Variants in PXN observed in about 807,000 individuals in gnomAD.
PXN encodes the protein paxillin.
A neutral mutation model predicts 103.6 loss-of-function variants in PXN; 61 were observed. The observed-to-expected ratio is 0.59, with a 90% CI of 0.48 to 0.73. The LOEUF is 0.73. PXN is among the 30% of genes least tolerant of loss of function. The pLI, the probability that PXN is intolerant of heterozygous loss-of-function variation, is 0.00. For synonymous variants in PXN, 562 were observed against 607.8 expected (o/e 0.92, Z 1.11); for missense variants, 1,274 against 1,460.3 (o/e 0.87, Z 2.08).
chr12:120,246,992 C>A (rs1891280781), intron 1 of PXN, among the ~76,000 whole-genome samples: 1 of 151,888 alleles, frequency 6.6e-6, no homozygotes, highest in African/African-American at 2.4e-5. Context: ...TGTACCACTG[C>A]ACTTCAGCCT....
In PXN at chr12:120,212,104, A is replaced by C; in HGVS notation, c.*210T>G. The stretch of plus-strand genomic sequence containing the variant: ...GAGAGTGGGCAGCCTAGGGAGAGCT[A>C]CAGGAGGGAGGAGGGGGCCCAGAGG... On this transcript the variant is annotated 3_prime_UTR_variant, in exon 15 of 15. Coordinates refer to ENST00000637617, the MANE Select transcript of PXN (RefSeq NM_001385981.1). This position sits in a 1 kb window ranked among gnomAD's most constrained non-coding sequence, Gnocchi z 7.2. 3 of 777,720 alleles carry C rather than the reference A, an allele frequency of 3.9e-6. No individual in the cohort carries two copies. The highest frequency in any genetic ancestry group is 2.6e-5 in the East Asian group (1 of 39,040). The allele number at this position is 777,720 out of a possible 1,614,324, so 48.2% of individuals were successfully genotyped here. A position where few individuals can be genotyped will look rare whatever the true frequency, so the allele number is the denominator to read the frequency against.
At position 120,219,301 on chromosome 12, in the gene PXN, G is replaced by A. The variant is rs980645442; in HGVS notation, c.1622C>T (p.Ala541Val). The change falls in exon 7 of 15, where the codon GCT (alanine) becomes GTT (valine). Residue 541 changes from alanine (A) to valine (V), a missense_variant. Ala to Val is a moderately conservative substitution (Grantham distance 64). Around this residue, in one of 2 missense-constraint regions of PXN, gnomAD observed 1,178 missense variants for 1,309.0 expected, o/e 0.90. Coordinates refer to ENST00000637617, the MANE Select transcript of PXN (RefSeq NM_001385981.1). The surrounding 1 kb of genome is among the most constrained non-coding windows in gnomAD (Gnocchi z 6.5). ...CTGTTCCTTCCCGTCCTGGGTGGCA[G>A]CTTCCGTGGTGCCCTCTGGGCTCCT... ...TPRSPEGTTE[A>V]ATQDGKEQPE... 1.3e-6 allele frequency: 2 copies of A among 1,598,356 alleles called. No individual in the cohort carries two copies. The highest frequency in any genetic ancestry group is 2.7e-5 in the African/African-American group (2 of 74,946).
Position 120,265,704 on chromosome 12 carries a change from T to A in PXN, c.-75A>T. 1 of 1,268,378 alleles carries A rather than the reference T, an allele frequency of 7.9e-7. No individual in the cohort carries two copies. The highest frequency in any genetic ancestry group is 1.0e-6 in the Non-Finnish European group (1 of 1,000,406). The allele number at this position is 1,268,378 out of a possible 1,614,324, so 78.6% of individuals were successfully genotyped here. ...GGCCGCTCGTCTATGCCCCGCAACT[T>A]TTCCGCCGCGAGCCTCGGCCCGGAA... On this transcript the variant is annotated 5_prime_UTR_variant, in exon 1 of 15. Coordinates refer to ENST00000637617, the MANE Select transcript of PXN (RefSeq NM_001385981.1). The surrounding 1 kb of genome is among the most constrained non-coding windows in gnomAD (Gnocchi z 5.7).
rs920376520 is a variant in PXN, at chr12:120,220,302, A to C, written c.832-211T>G. Among the ~76,000 whole-genome samples the C allele has an allele frequency of 6.6e-6, 1 of 152,094 alleles. No individual in the cohort carries two copies. The highest frequency in any genetic ancestry group is 1.5e-5 in the Non-Finnish European group (1 of 68,014). ...GCCCTCACCAAACCCAAGCAAGAGA[A>C]AGCAGCCACCAAGCCGTGCCTGTGG... On this transcript the variant is annotated intron_variant, in intron 6 of 14. Transcript: ENST00000637617. This position sits in a 1 kb window ranked among gnomAD's most constrained non-coding sequence, Gnocchi z 6.1.
rs554210906 is a variant in PXN at position 120,220,455 on chromosome 12, G to A, written c.832-364C>T. ...GCCAGCCCCAGGGGCTGCTGAACCC[G>A]CCTCGGACACTGGCCCAACTCGGCC... On this transcript the variant is annotated intron_variant, in intron 6 of 14. Transcript: ENST00000637617. This position sits in a 1 kb window ranked among gnomAD's most constrained non-coding sequence, Gnocchi z 6.1. Among the ~76,000 whole-genome samples, 8 of 152,254 alleles carry A rather than the reference G, an allele frequency of 5.3e-5. No individual in the cohort carries two copies. The highest frequency in any genetic ancestry group is 8.8e-5 in the Non-Finnish European group (6 of 68,006).
At position 120,212,950 on chromosome 12, in the gene PXN, CACA is replaced by C; in HGVS notation, c.2980-373_2980-371del. 3 of 190,074 alleles carry C rather than the reference CACA, an allele frequency of 1.6e-5. No individual in the cohort carries two copies. Among genetic ancestry groups the C allele is most frequent in the South Asian group, 1.1e-4 (1 of 8,994 alleles). The allele number at this position is 190,074 out of a possible 1,614,324, so 11.8% of individuals were successfully genotyped here. A position where few individuals can be genotyped will look rare whatever the true frequency, so the allele number is the denominator to read the frequency against. On this transcript the variant is annotated intron_variant, in intron 14 of 14. Transcript: ENST00000637617. The surrounding 1 kb of genome is among the most constrained non-coding windows in gnomAD (Gnocchi z 7.2). ...ACTGAGGTCACAGCCTGGATTCATA[CACA>C]GGTCTGACTCCTGAGCACTTAGCCA...
intron 1 of PXN, among the ~76,000 whole-genome samples, chr12:120,235,133 C>T (rs747152457): frequency 1.3e-5 from 2 of 152,138 alleles, no homozygotes; most frequent in Non-Finnish European, 2.9e-5. Flanking sequence ...TACTGCCTGC[C>T]GGGAAGTCAC....
intron 1 of PXN, among the ~76,000 whole-genome samples, chr12:120,230,453 G>A (rs1017192629): frequency 5.3e-5 from 8 of 152,300 alleles, no homozygotes; most frequent in East Asian, 1.9e-4. Flanking sequence ...GAGAAGCTGC[G>A]GCCTCCTTAC....
chr12:120,231,427 TCTC>T (rs1331849944), intron 1 of PXN, among the ~76,000 whole-genome samples: 5 of 152,260 alleles, frequency 3.3e-5, no homozygotes, highest in African/African-American at 9.6e-5. Context: ...AGCCACCAAT[TCTC>T]CTCCGCTGAC....
intron 1 of PXN, chr12:120,227,136 G>GAAAA: frequency 1.0e-6 from 1 of 986,942 alleles, no homozygotes; most frequent in African/African-American, 1.7e-5. Flanking sequence ...GAAAAGAAAA[G>GAAAA]TAATAAAGTA....
chr12:120,260,828 G>A (rs918322605), intron 1 of PXN, among the ~76,000 whole-genome samples: 16 of 152,158 alleles, frequency 1.1e-4, no homozygotes, highest in Non-Finnish European at 1.8e-4. Context: ...TTAGCGGGGC[G>A]TTACGGCATA....
At position 120,225,433 on chromosome 12, in the gene PXN, A is replaced by C. The variant is rs1886600560; in HGVS notation, c.14-1056T>G. 6.6e-6 allele frequency: 1 copy of C among 152,394 alleles called. No homozygotes were observed. The highest frequency in any genetic ancestry group is 1.5e-5 in the Non-Finnish European group (1 of 68,198). 9.4% of individuals were successfully genotyped at this position (152,394 alleles called of 1,614,324 possible). A position where few individuals can be genotyped will look rare whatever the true frequency, so the allele number is the denominator to read the frequency against. ...CATCTAAAAAGCAATGGCTGCGTTT[A>C]TTGCCACTTATCAGTAGCAGGCAGA... is the stretch of plus-strand genomic sequence containing the variant. On this transcript the variant is annotated intron_variant, in intron 1 of 14. Coordinates refer to ENST00000637617, the MANE Select transcript of PXN (RefSeq NM_001385981.1). This position sits in a 1 kb window ranked among gnomAD's most constrained non-coding sequence, Gnocchi z 4.4.
Position 120,217,255 on chromosome 12 carries a change from G to C in PXN, c.1717-139C>G, listed in dbSNP as rs555139591. ...ACCAAGCGGAGGTGGGTGGAGGCAC[G>C]GGGAGGGGGCAGATTGGACCGGTGG... On this transcript the variant is annotated intron_variant, in intron 7 of 14. Coordinates refer to ENST00000637617, the MANE Select transcript of PXN (RefSeq NM_001385981.1). This position sits in a 1 kb window ranked among gnomAD's most constrained non-coding sequence, Gnocchi z 4.1. 429 of 725,582 alleles carry C rather than the reference G, an allele frequency of 5.9e-4. 2 individuals carry two copies. The highest frequency in any genetic ancestry group is 7.7e-4 in the Non-Finnish European group (329 of 429,940). 44.9% of individuals were successfully genotyped at this position (725,582 alleles called of 1,614,324 possible).
rs745756998 is a variant in PXN, at chr12:120,224,258, C to T, written c.133G>A (p.Val45Met). The change falls in exon 2 of 15, where the codon GTG becomes ATG. Residue 45 changes from valine to methionine, a missense_variant. Val to Met is a conservative substitution (Grantham distance 21). Around this residue, in one of 2 missense-constraint regions of PXN, gnomAD observed 1,178 missense variants for 1,309.0 expected, o/e 0.90. Coordinates refer to ENST00000637617, the MANE Select transcript of PXN (RefSeq NM_001385981.1). The surrounding 1 kb of genome is among the most constrained non-coding windows in gnomAD (Gnocchi z 5.0). ...TGNHTYQEIA[V>M]PPPVPPPPSS... ...GGGGGTGGGGGGACGGGGGGTGGCA[C>T]GGCAATCTCCTGGTATGTGTGGTTT... is the stretch of plus-strand genomic sequence containing the variant. The T allele has an allele frequency of 4.3e-6, 7 of 1,613,402 alleles. No individual in the cohort carries two copies. Among genetic ancestry groups the T allele is most frequent in the South Asian group, 2.2e-5 (2 of 91,078 alleles).
In PXN at chr12:120,221,054, A is replaced by G. The variant is rs1884994131; in HGVS notation, c.831+569T>C. ...AGGTACCTCGTGCAAGCCTGGCCCC[A>G]TGGTTTCCCACAGACACGCTCGTGG... On this transcript the variant is annotated intron_variant, in intron 6 of 14. Coordinates refer to ENST00000637617, the MANE Select transcript of PXN (RefSeq NM_001385981.1). This position sits in a 1 kb window ranked among gnomAD's most constrained non-coding sequence, Gnocchi z 6.6. Among the ~76,000 whole-genome samples the G allele has an allele frequency of 1.3e-5, 2 of 152,154 alleles. No homozygotes were observed. Among genetic ancestry groups the G allele is most frequent in the Non-Finnish European group, 2.9e-5 (2 of 68,026 alleles).
intron 1 of PXN, among the ~76,000 whole-genome samples, chr12:120,260,690 G>A (rs946567134): frequency 2.0e-5 from 3 of 152,160 alleles, no homozygotes; most frequent in African/African-American, 7.2e-5. Context: ...AATGCACCAG[G>A]CACAATGGCT....
rs1411362551 is a variant in PXN, at chr12:120,214,356, T to C, written c.2749-139A>G. On this transcript the variant is annotated intron_variant, in intron 12 of 14. Transcript: ENST00000637617. The surrounding 1 kb of genome is among the most constrained non-coding windows in gnomAD (Gnocchi z 5.0). The stretch of plus-strand genomic sequence containing the variant: ...CTCCCAAGATGGGGGTCTCTCCTAA[T>C]TGTGCTGTGAATGCCTCTAAGAATT... 2 of 740,510 alleles carry C rather than the reference T, an allele frequency of 2.7e-6. No homozygotes were observed. The highest frequency in any genetic ancestry group is 4.5e-6 in the Non-Finnish European group (2 of 440,218). The allele number at this position is 740,510 out of a possible 1,614,324, so 45.9% of individuals were successfully genotyped here.
chr12:120,252,507 C>A (rs1594516171), intron 1 of PXN, among the ~76,000 whole-genome samples: 1 of 152,118 alleles, frequency 6.6e-6, no homozygotes, highest in African/African-American at 2.4e-5. Context: ...GCAACTTGAA[C>A]CAACATCTAG....
chr12:120,217,269 T>C lies in PXN; in HGVS notation c.1717-153A>G, dbSNP rs991850703. ...GGTGGAGGCACGGGGAGGGGGCAGA[T>C]TGGACCGGTGGAGGTGGGTAGAGGC... On this transcript the variant is annotated intron_variant, in intron 7 of 14. Transcript: ENST00000637617. This position sits in a 1 kb window ranked among gnomAD's most constrained non-coding sequence, Gnocchi z 4.1. Among the ~76,000 whole-genome samples the C allele has an allele frequency of 8.6e-5, 13 of 151,560 alleles. No individual in the cohort carries two copies. The highest frequency in any genetic ancestry group is 3.2e-4 in the African/African-American group (13 of 41,222).
Sources: gnomAD v4.1 joint callset for allele counts (sites outside exome capture counted in the v4.1 genomes callset) on GRCh38, gnomAD v4.1.1 for gene constraint, gnomAD v4.1.1 regional missense constraint, Gnocchi (gnomAD v3.1) non-coding constraint, MANE v1.5 for transcripts, NCBI Gene and HGNC (gene_info 2026-07-23, HGNC 2026-07-21) for gene names.